The following ZNF148 variants were observed in gnomAD, a reference collection of about 807,000 sequenced individuals.
ZNF148 encodes Beta-Enolase Repressor Factor-1.
Under a neutral mutation model 67.7 loss-of-function variants are expected in ZNF148, and 7 were observed. The observed-to-expected ratio is 0.10, with a 90% CI of 0.06 to 0.19. ZNF148 has a LOEUF of 0.19. Ranked by LOEUF, ZNF148 falls within the 10% of genes least tolerant of loss-of-function variation. ZNF148 has a pLI of 1.00. For synonymous variants in ZNF148, 333 were observed against 330.7 expected (o/e 1.01, Z -0.08); for missense variants, 583 against 947.1 (o/e 0.62, Z 5.05).
At chr3:125,281,738 C>T (rs1295946925) in intron 5 of ZNF148, among the ~76,000 whole-genome samples, 1 of 152,130 alleles carries the variant, frequency 6.6e-6, no homozygotes, top group Non-Finnish European at 1.5e-5. Flanking sequence ...AAACAGCTAC[C>T]ACTGCCTTGT....
intron 7 of ZNF148, among the ~76,000 whole-genome samples, chr3:125,251,680 C>A (rs143919364): frequency 1.9e-4 from 29 of 152,298 alleles, no homozygotes; most frequent in African/African-American, 7.0e-4. Flanking sequence ...CATTCATATA[C>A]CACAATTGAT....
At chr3:125,277,610 T>TG in intron 7 of ZNF148, 116 bp downstream of exon 7, 1 of 775,506 alleles carries the variant, frequency 1.3e-6, no homozygotes, top group Non-Finnish European at 2.0e-6. Context: ...AGATAACCTG[T>TG]GATTTATAGT....
intron 1 of ZNF148, among the ~76,000 whole-genome samples, chr3:125,353,235 A>G (rs1397437069): frequency 6.6e-6 from 1 of 152,216 alleles, no homozygotes; most frequent in Non-Finnish European, 1.5e-5. Flanking sequence ...TCATTCTGGA[A>G]AGAACAAAAC....
chr3:125,257,274 G>A (rs191689014), intron 7 of ZNF148, among the ~76,000 whole-genome samples: 17 of 151,994 alleles, frequency 1.1e-4, no homozygotes, highest in Admixed American at 7.9e-4. Context: ...AGGTTTGGCC[G>A]GGCACGGTGG....
chr3:125,267,899 C>G (rs575775480), intron 7 of ZNF148, among the ~76,000 whole-genome samples: 17 of 151,358 alleles, frequency 1.1e-4, no homozygotes, highest in Non-Finnish European at 2.4e-4. Flanking sequence ...ACAAAATCAA[C>G]AGCATTTCTA....
At chr3:125,363,122 C>T (rs1418162320) in intron 1 of ZNF148, among the ~76,000 whole-genome samples, 1 of 152,138 alleles carries the variant, frequency 6.6e-6, no homozygotes, top group Non-Finnish European at 1.5e-5. Flanking sequence ...AATCTTTAAA[C>T]CATCACCCTC....
intron 7 of ZNF148, among the ~76,000 whole-genome samples, chr3:125,249,940 C>T (rs9832629): frequency 0.071 from 10,852 of 151,992 alleles, 548 homozygotes; most frequent in Non-Finnish European, 0.098. Flanking sequence ...GACAAACATG[C>T]ATGATCTCAT....
chr3:125,234,169 T>C (rs779694884), intron 8 of ZNF148, 42 bp downstream of exon 8: 2 of 1,353,508 alleles, frequency 1.5e-6, no homozygotes, highest in Admixed American at 1.8e-5. Context: ...AATTATTGTA[T>C]AATTTAATTA....
rs1337626903 is a variant in ZNF148, at chr3:125,231,176, T to C, written c.*1165A>G. The stretch of plus-strand genomic sequence containing the variant: ...CATTAAAAAGTAACTCAAGATAAAA[T>C]ATGCAATTAAAATGCCCATTTCTTT... On this transcript the variant is annotated 3_prime_UTR_variant, in exon 9 of 9. Transcript: ENST00000360647. 6.6e-6 allele frequency: 1 copy of C among 152,458 alleles called. No individual in the cohort carries two copies. The highest frequency in any genetic ancestry group is 1.9e-4 in the East Asian group (1 of 5,198). 9.4% of individuals were successfully genotyped at this position (152,458 alleles called of 1,614,324 possible).
chr3:125,320,010 G>C lies in ZNF148; in HGVS notation c.-17+3299C>G, dbSNP rs932513989. ...ACTCCACCTCATGGCTACTATGGGA[G>C]AACTTTCCGACACAGAATCCCCTTT... On this transcript the variant is annotated intron_variant, in intron 3 of 8. Transcript: ENST00000360647. Among the ~76,000 whole-genome samples the C allele has an allele frequency of 6.6e-5, 10 of 152,298 alleles. No homozygotes were observed. The South Asian group carries it at 2.1e-3, about 32-fold the overall frequency.
intron 4 of ZNF148, among the ~76,000 whole-genome samples, chr3:125,308,610 T>A (rs577430605): frequency 8.6e-5 from 13 of 150,858 alleles, no homozygotes; most frequent in African/African-American, 2.9e-4. Flanking sequence ...CACTACAGTA[T>A]TACAAAAGAA....
chr3:125,294,500 T>A (rs1939185130), intron 4 of ZNF148, among the ~76,000 whole-genome samples: 1 of 152,192 alleles, frequency 6.6e-6, no homozygotes, highest in African/African-American at 2.4e-5. Flanking sequence ...TATTTCAAAA[T>A]GAAAAGTTAA....
intron 3 of ZNF148, among the ~76,000 whole-genome samples, chr3:125,321,679 A>G (rs1940777651): frequency 6.6e-6 from 1 of 152,108 alleles, no homozygotes; most frequent in Admixed American, 6.6e-5. Flanking sequence ...GGGAGGGAAA[A>G]GGTAAAAAAA....
chr3:125,257,194 C>A (rs1382572155), intron 7 of ZNF148, among the ~76,000 whole-genome samples: 1 of 152,036 alleles, frequency 6.6e-6, no homozygotes, highest in Non-Finnish European at 1.5e-5. Context: ...TGGACTGTAA[C>A]TTTTATTGGA....
At chr3:125,344,977 TAAC>T (rs1437404117) in intron 1 of ZNF148, among the ~76,000 whole-genome samples, 1 of 152,132 alleles carries the variant, frequency 6.6e-6, no homozygotes, top group Non-Finnish European at 1.5e-5. Flanking sequence ...TTCAGCAACA[TAAC>T]AAGTTAAAAG....
intron 1 of ZNF148, chr3:125,338,732 A>G (rs1941600626): frequency 6.6e-6 from 1 of 151,458 alleles, no homozygotes; most frequent in African/African-American, 2.4e-5. Context: ...TTTTAATATG[A>G]AATATAATTA....
chr3:125,366,130 A>G (rs542849421), intron 1 of ZNF148, among the ~76,000 whole-genome samples: 1 of 152,286 alleles, frequency 6.6e-6, no homozygotes, highest in Non-Finnish European at 1.5e-5. Flanking sequence ...TACACTAATG[A>G]TTTCTGCTAA....
At chr3:125,258,789 G>A (rs1418016658) in intron 7 of ZNF148, among the ~76,000 whole-genome samples, 1 of 151,996 alleles carries the variant, frequency 6.6e-6, no homozygotes, top group African/African-American at 2.4e-5. Flanking sequence ...TGTTATGTAA[G>A]AATACTTACA....
chr3:125,324,826 T>A (rs1253753174), intron 2 of ZNF148, among the ~76,000 whole-genome samples: 2 of 152,096 alleles, frequency 1.3e-5, no homozygotes, highest in African/African-American at 4.8e-5. Flanking sequence ...AGTTTATATA[T>A]TTTTTTAAGA....
Sources: gnomAD v4.1 joint callset for allele counts (sites outside exome capture counted in the v4.1 genomes callset) on GRCh38, gnomAD v4.1.1 for gene constraint, MANE v1.5 for transcripts, NCBI Gene and HGNC (gene_info 2026-07-23, HGNC 2026-07-21) for gene names.